Variants in PGAP6 observed in about 807,000 individuals in gnomAD.
PGAP6 encodes the protein post-GPI attachment to proteins factor 6.
In PGAP6, 62 loss-of-function variants were observed where a neutral mutation model predicts 68.4. That is an observed-to-expected ratio of 0.91 (90% CI 0.74 to 1.12). The LOEUF (loss-of-function observed/expected upper bound fraction) is 1.12, where lower values mean the gene tolerates loss of function less well. PGAP6 is among the 50% of genes most tolerant of loss of function. PGAP6 has a pLI of 0.00. For missense variants in PGAP6, 1,188 were observed against 1,068.5 expected (o/e 1.11, Z -1.56); for synonymous variants, 575 against 474.0 (o/e 1.21, Z -2.77).
At position 381,860 on chromosome 16, in the gene PGAP6, C is replaced by G; in HGVS notation, c.-39G>C. On this transcript the variant is annotated 5_prime_UTR_variant, in exon 1 of 13. Transcript: ENST00000431232. The stretch of plus-strand genomic sequence containing the variant: ...GCCCGGCGCTACCCGGCCCGCGTCC[C>G]GCGCCGCCGGCCCCCGCCGCCGCCC... The G allele has an allele frequency of 1.0e-6, 1 of 983,008 alleles. No homozygotes were observed. Among genetic ancestry groups the G allele is most frequent in the Non-Finnish European group, 1.2e-6 (1 of 828,912 alleles). The allele number at this position is 983,008 out of a possible 1,614,324, so 60.9% of individuals were successfully genotyped here.
upstream of PGAP6, among the ~76,000 whole-genome samples, chr16:385,206 A>C (rs953585697): frequency 3.3e-5 from 5 of 151,880 alleles, no homozygotes; most frequent in Non-Finnish European, 7.4e-5. Context: ...TAAGGCCTAG[A>C]GACAGACACA....
At position 377,862 on chromosome 16, in the gene PGAP6, G is replaced by A; in HGVS notation, c.122-14C>T. The A allele has an allele frequency of 6.5e-7, 1 of 1,548,056 alleles. No individual in the cohort carries two copies. The highest frequency in any genetic ancestry group is 2.4e-5 in the East Asian group (1 of 41,154). ...CCAGCCCCACCTCTGTGAGGAGAAG[G>A]AGGTGTCAGCCAGGCCGGGACCCTC... On this transcript the variant is annotated splice_polypyrimidine_tract_variant and intron_variant, in intron 1 of 12. Coordinates refer to ENST00000431232, the MANE Select transcript of PGAP6 (RefSeq NM_021259.3).
rs1347335091 is a variant in PGAP6, at chr16:376,168, C to T, written c.1192G>A (p.Gly398Ser). The change falls in exon 6 of 13, where the codon GGT becomes AGT. Residue 398 changes from glycine to serine, a missense_variant. Gly to Ser is a moderately conservative substitution (Grantham distance 56). Coordinates refer to ENST00000431232, the MANE Select transcript of PGAP6 (RefSeq NM_021259.3). ...LRLNTGMDSG[G>S]SLTISLRANK... The stretch of plus-strand genomic sequence containing the variant: ...GCCCGCAGGGAGATGGTGAGGGAAC[C>T]CCCGCTGTCCATGCCGGTGTTCAGG... The T allele has an allele frequency of 1.9e-6, 3 of 1,609,192 alleles. No homozygotes were observed. Among genetic ancestry groups the T allele is most frequent in the African/African-American group, 1.3e-5 (1 of 75,016 alleles).
Position 371,713 on chromosome 16 carries a change from T to C in PGAP6, c.*274A>G. 2.2e-6 allele frequency: 1 copy of C among 461,390 alleles called. No individual in the cohort carries two copies. Among genetic ancestry groups the C allele is most frequent in the Non-Finnish European group, 4.0e-6 (1 of 251,318 alleles). The allele number at this position is 461,390 out of a possible 1,614,324, so 28.6% of individuals were successfully genotyped here. On this transcript the variant is annotated 3_prime_UTR_variant, in exon 13 of 13. Coordinates refer to ENST00000431232, the MANE Select transcript of PGAP6 (RefSeq NM_021259.3). ...ACAGCCCCACCCTCGCACAGGCACC[T>C]GTGGTCTCCAAGTAACCAAGCCCAG... is the stretch of plus-strand genomic sequence containing the variant.
intron 6 of PGAP6, among the ~76,000 whole-genome samples, chr16:375,657 G>A (rs1391819280): frequency 6.6e-5 from 10 of 151,782 alleles, no homozygotes; most frequent in Admixed American, 5.9e-4. Flanking sequence ...TCAGCCTCCC[G>A]AGTAGCTGGG....
Position 374,883 on chromosome 16 carries a change from C to T in PGAP6, c.1449G>A (p.Glu483=). The T allele has an allele frequency of 6.2e-7, 1 of 1,612,816 alleles. No homozygotes were observed. Among genetic ancestry groups the T allele is most frequent in the Non-Finnish European group, 8.5e-7 (1 of 1,179,914 alleles). ...LMCPENAEDC[E]QAVVHVETTL... is the part of the protein sequence containing the mutation. ...TGGTCTCCACGTGGACCACAGCCTG[C>T]TCACAGTCCCTTTGAGGAAGGGGCC... is the stretch of plus-strand genomic sequence containing the variant. The change falls in exon 9 of 13, where the codon GAG becomes GAA. Residue 483 remains glutamate (E), a synonymous_variant. Coordinates refer to ENST00000431232, the MANE Select transcript of PGAP6 (RefSeq NM_021259.3).
chr16:377,213 G>A, intron 3 of PGAP6, 49 bp from the exon 4 acceptor site: 2 of 1,610,926 alleles, frequency 1.2e-6, no homozygotes, highest in South Asian at 2.2e-5. Context: ...GAATGCAGGT[G>A]TGAGGGCATG....
intron 6 of PGAP6, 29 bp from the exon 7 acceptor site, chr16:375,464 TC>T: frequency 6.2e-7 from 1 of 1,602,596 alleles, no homozygotes. Context: ...CCGGCTCAGC[TC>T]CAGCAGCCCC....
At chr16:374,451 G>T in intron 9 of PGAP6, 52 bp from the exon 10 acceptor site, 2 of 1,488,166 alleles carry the variant, frequency 1.3e-6, no homozygotes, top group Non-Finnish European at 1.8e-6. Flanking sequence ...TGAACCTCAG[G>T]GCCCACCCCT....
intron 1 of PGAP6, among the ~76,000 whole-genome samples, chr16:379,547 T>TGTCCCGGAGAAA (rs2054421009): frequency 6.6e-6 from 1 of 152,166 alleles, no homozygotes; most frequent in Non-Finnish European, 1.5e-5. Flanking sequence ...AGGACCACGG[T>TGTCCCGGAGAAA]GTCCCGGAGA....
At position 376,463 on chromosome 16, in the gene PGAP6, G is replaced by A. The variant is rs139868950; in HGVS notation, c.905-8C>T. ...CGCTCCGTGGCCTGCAAGCTGCCGAGAGGACAAGGGGTTTGGCTGGAGGAA... is the reference window on the plus strand; with the variant it reads ...CGCTCCGTGGCCTGCAAGCTGCCGAAAGGACAAGGGGTTTGGCTGGAGGAA... On this transcript the variant is annotated splice_region_variant and splice_polypyrimidine_tract_variant and intron_variant, in intron 5 of 12. Transcript: ENST00000431232. The A allele has an allele frequency of 1.8e-4, 280 of 1,557,514 alleles. 4 individuals carry two copies. In the East Asian group the frequency reaches 5.7e-3, roughly 31 times the overall value.
chr16:373,147 T>C (rs2054349734), intron 11 of PGAP6, among the ~76,000 whole-genome samples: 1 of 152,182 alleles, frequency 6.6e-6, no homozygotes, highest in South Asian at 2.1e-4. Flanking sequence ...GCCCACAGCC[T>C]ACAGTTCTCT....
At position 371,078 on chromosome 16, in the gene PGAP6, G is replaced by C. The variant is rs937433056; in HGVS notation, c.*909C>G. On this transcript the variant is annotated 3_prime_UTR_variant, in exon 13 of 13. Coordinates refer to ENST00000431232, the MANE Select transcript of PGAP6 (RefSeq NM_021259.3). ...TCTCAGCCACTCACTTCTCCAGGGC[G>C]GATCCGAGACACTCACAGGCCTCAG... 6.6e-6 allele frequency: 1 copy of C among 152,356 alleles called. No individual in the cohort carries two copies. Among genetic ancestry groups the C allele is most frequent in the Non-Finnish European group, 1.5e-5 (1 of 68,170 alleles). 9.4% of individuals were successfully genotyped at this position (152,356 alleles called of 1,614,324 possible).
Position 377,771 on chromosome 16 carries a change from G to T in PGAP6, c.199C>A (p.Leu67Ile). The T allele has an allele frequency of 6.3e-7, 1 of 1,587,044 alleles. No individual in the cohort carries two copies. ...SFYSWYGSAR[L>I]FRFRVPPDAV... ...TCTGGGGGCACGCGGAAGCGGAAGA[G>T]CCTGGCACTGCCGTACCAGCTGTAG... The change falls in exon 2 of 13, where the codon CTC (leucine) becomes ATC (isoleucine). Residue 67 changes from leucine (L) to isoleucine (I), a missense_variant. Transcript: ENST00000431232.
intron 12 of PGAP6, 60 bp from the exon 13 acceptor site, chr16:372,343 G>A (rs2054342512): frequency 3.3e-6 from 5 of 1,530,400 alleles, no homozygotes; most frequent in Non-Finnish European, 4.4e-6. Flanking sequence ...AGCTCCCAGG[G>A]CCCAGATACG....
intron 1 of PGAP6, among the ~76,000 whole-genome samples, chr16:381,395 T>A (rs578102386): frequency 4.3e-4 from 64 of 149,592 alleles, no homozygotes; most frequent in Admixed American, 1.5e-3. Flanking sequence ...GCCCCTCCAC[T>A]TCCCCGCGCC....
At chr16:378,686 C>T (rs1460887248) in intron 1 of PGAP6, among the ~76,000 whole-genome samples, 5 of 152,198 alleles carry the variant, frequency 3.3e-5, no homozygotes, top group Non-Finnish European at 5.9e-5. Context: ...CATCTCCATC[C>T]CTGGATGGGT....
intron 1 of PGAP6, among the ~76,000 whole-genome samples, chr16:380,317 G>A (rs1402770422): frequency 6.6e-6 from 1 of 152,018 alleles, no homozygotes; most frequent in Non-Finnish European, 1.5e-5. Context: ...CTATGTAACT[G>A]GAACCGCAGG....
chr16:374,352 C>A lies in PGAP6; in HGVS notation c.1624G>T (p.Ala542Ser). 2 of 1,601,236 alleles carry A rather than the reference C, an allele frequency of 1.2e-6. No homozygotes were observed. Among genetic ancestry groups the A allele is most frequent in the Non-Finnish European group, 8.5e-7 (1 of 1,178,692 alleles). ...AGCAGTGTGGCCGCCCTCTGCTGGGCCACCGTCTGGGCTGTGCTGTTGTCC... is the reference window on the plus strand; with the variant it reads ...AGCAGTGTGGCCGCCCTCTGCTGGGACACCGTCTGGGCTGTGCTGTTGTCC... ...CTDNSTAQTV[A>S]QQRAATLLLT... The change falls in exon 10 of 13, where the codon GCC becomes TCC. Residue 542 changes from alanine to serine, a missense_variant. Coordinates refer to ENST00000431232, the MANE Select transcript of PGAP6 (RefSeq NM_021259.3).
Sources: allele counts gnomAD v4.1 joint callset (sites outside exome capture counted in the v4.1 genomes callset), GRCh38; gene constraint gnomAD v4.1.1; transcripts MANE v1.5; gene names NCBI Gene and HGNC (gene_info 2026-07-23, HGNC 2026-07-21).